The following FOXR1 variants were observed in gnomAD, a reference collection of about 807,000 sequenced individuals.
FOXR1 encodes forkhead box R1.
Under a neutral mutation model 34.5 loss-of-function variants are expected in FOXR1, and 25 were observed. The ratio of observed to expected loss-of-function variants is 0.72; its 90% CI spans 0.53 to 1.01. The LOEUF is 1.01. Ranked by LOEUF, FOXR1 falls within the 50% of genes least tolerant of loss-of-function variation. The pLI is 0.00. For synonymous variants in FOXR1, 153 were observed against 141.6 expected, an observed-to-expected ratio of 1.08 and a Z score of -0.57; for missense variants, 373 against 376.2, an observed-to-expected ratio of 0.99 and a Z score of 0.07.
Position 118,978,802 on chromosome 11 carries a change from ATTG to A in FOXR1, c.85_87del (p.Val29del). Reference sequence around the variant, plus strand: ...GCCAGTTGCCAGGTATAAACTCCGAATTGTTAAGCCACCAAAATTACCCCTAGA... The same window carrying A: ...GCCAGTTGCCAGGTATAAACTCCGAATTAAGCCACCAAAATTACCCCTAGA... On this transcript the variant is annotated inframe_deletion, in exon 2 of 6. Coordinates refer to ENST00000317011, the MANE Select transcript of FOXR1 (RefSeq NM_181721.3). 6.2e-7 allele frequency: 1 copy of A among 1,614,082 alleles called. No individual in the cohort carries two copies. The highest frequency in any genetic ancestry group is 8.5e-7 in the Non-Finnish European group (1 of 1,180,000).
chr11:118,979,372 C>T lies in FOXR1; in HGVS notation c.385-70C>T, dbSNP rs614245. On this transcript the variant is annotated intron_variant, in intron 3 of 5. Coordinates refer to ENST00000317011, the MANE Select transcript of FOXR1 (RefSeq NM_181721.3). ...CAAATGGTGGCCTTAGACCACCCCC[C>T]CTTCCTGCCACTGCACCCTGGAGTA... The T allele has an allele frequency of 1.8e-3, 2,630 of 1,486,608 alleles. 29 individuals carry two copies. In the African/African-American group the frequency reaches 0.033, roughly 19 times the overall value. 92.1% of individuals were successfully genotyped at this position (1,486,608 alleles called of 1,614,324 possible). A position where few individuals can be genotyped will look rare whatever the true frequency, so the allele number is the denominator to read the frequency against.
At chr11:118,977,242 G>C (rs997045740) in intron 1 of FOXR1, among the ~76,000 whole-genome samples, 6 of 152,066 alleles carry the variant, frequency 3.9e-5, no homozygotes, top group Non-Finnish European at 7.4e-5. Flanking sequence ...TTGTTGGCCA[G>C]GCTGGTCTCA....
intron 1 of FOXR1, among the ~76,000 whole-genome samples, chr11:118,973,490 C>T (rs949014013): frequency 2.0e-5 from 3 of 151,820 alleles, no homozygotes; most frequent in Admixed American, 6.6e-5. Flanking sequence ...TCCTCTGCCC[C>T]CCGGGTTCAA....
At chr11:118,975,024 C>T (rs538051333) in intron 1 of FOXR1, among the ~76,000 whole-genome samples, 18 of 152,044 alleles carry the variant, frequency 1.2e-4, no homozygotes, top group African/African-American at 4.1e-4. Context: ...GTGGGGACTG[C>T]AGATGTAAAT....
intron 1 of FOXR1, 147 bp downstream of exon 1, chr11:118,972,139 C>A (rs1045962870): frequency 3.1e-5 from 22 of 705,110 alleles, no homozygotes; most frequent in African/African-American, 1.7e-4. Context: ...GCCCCCCCCC[C>A]CCGACGGCTT....
In FOXR1 at chr11:118,981,261, T is replaced by C. The variant is rs1298333970; in HGVS notation, c.*25T>C. 1 of 1,612,988 alleles carries C rather than the reference T, an allele frequency of 6.2e-7. No individual in the cohort carries two copies. Among genetic ancestry groups the C allele is most frequent in the African/African-American group, 1.3e-5 (1 of 75,002 alleles). On this transcript the variant is annotated 3_prime_UTR_variant, in exon 6 of 6. Transcript: ENST00000317011. ...ACCCCAAGAAGCAACAGCCAGCTAA[T>C]GCTTTATTAAAATTACCCTCACTAG...
At chr11:118,972,293 C>T (rs1941720286) in intron 1 of FOXR1, among the ~76,000 whole-genome samples, 1 of 152,132 alleles carries the variant, frequency 6.6e-6, no homozygotes. Context: ...CACTCTACGT[C>T]ACCCGCCAGG....
intron 1 of FOXR1, among the ~76,000 whole-genome samples, chr11:118,972,215 G>T (rs1220928355): frequency 6.6e-6 from 1 of 151,872 alleles, no homozygotes; most frequent in Non-Finnish European, 1.5e-5. Flanking sequence ...GGGGGTGGGG[G>T]GGTTCGCGCC....
chr11:118,974,439 G>A (rs998782688), intron 1 of FOXR1, among the ~76,000 whole-genome samples: 3 of 152,120 alleles, frequency 2.0e-5, no homozygotes, highest in South Asian at 2.1e-4. Flanking sequence ...TCCTGGACTC[G>A]AGCAATCCTC....
At chr11:118,974,713 G>A (rs1178895944) in intron 1 of FOXR1, among the ~76,000 whole-genome samples, 2 of 152,192 alleles carry the variant, frequency 1.3e-5, no homozygotes, top group African/African-American at 4.8e-5. Flanking sequence ...CAGAGTCTAG[G>A]AGGCTGCAGT....
At chr11:118,977,289 C>G (rs1368634953) in intron 1 of FOXR1, among the ~76,000 whole-genome samples, 1 of 152,138 alleles carries the variant, frequency 6.6e-6, no homozygotes, top group Non-Finnish European at 1.5e-5. Context: ...GCCTCGGCCT[C>G]CCAAAGTGCT....
intron 4 of FOXR1, 93 bp downstream of exon 4, chr11:118,979,761 C>T (rs1941831366): frequency 5.1e-6 from 6 of 1,185,124 alleles, no homozygotes; most frequent in Non-Finnish European, 5.9e-6. Flanking sequence ...GGTTGCTGAC[C>T]TGGTTTCCCT....
intron 3 of FOXR1, 75 bp from the exon 4 acceptor site, chr11:118,979,367 C>T (rs1941822368): frequency 2.9e-5 from 43 of 1,473,792 alleles, no homozygotes; most frequent in Non-Finnish European, 3.9e-5. Flanking sequence ...CCTTAGACCA[C>T]CCCCCCTTCC....
At chr11:118,972,858 A>T (rs1240350630) in intron 1 of FOXR1, among the ~76,000 whole-genome samples, 2 of 151,970 alleles carry the variant, frequency 1.3e-5, no homozygotes, top group Admixed American at 6.6e-5. Context: ...AAGTGCTGGG[A>T]TTACAGGCCT....
In FOXR1 at chr11:118,979,208, T is replaced by C; in HGVS notation, c.384+4T>C. ...CTTTTCCCCCAGCACCTGGGAGGTA[T>C]GCATTTTTGGGGATGGGAGTGGGAC... On this transcript the variant is annotated splice_donor_region_variant and intron_variant, in intron 3 of 5. Coordinates refer to ENST00000317011, the MANE Select transcript of FOXR1 (RefSeq NM_181721.3). The C allele has an allele frequency of 1.3e-6, 2 of 1,518,222 alleles. No individual in the cohort carries two copies. Among genetic ancestry groups the C allele is most frequent in the African/African-American group, 1.4e-5 (1 of 71,804 alleles). 94.0% of individuals were successfully genotyped at this position (1,518,222 alleles called of 1,614,324 possible).
At position 118,981,269 on chromosome 11, in the gene FOXR1, T is replaced by G; in HGVS notation, c.*33T>G. ...AAGCAACAGCCAGCTAATGCTTTAT[T>G]AAAATTACCCTCACTAGCCTTCTGT... On this transcript the variant is annotated 3_prime_UTR_variant, in exon 6 of 6. Coordinates refer to ENST00000317011, the MANE Select transcript of FOXR1 (RefSeq NM_181721.3). 2 of 1,609,446 alleles carry G rather than the reference T, an allele frequency of 1.2e-6. No individual in the cohort carries two copies. The highest frequency in any genetic ancestry group is 1.7e-6 in the Non-Finnish European group (2 of 1,175,760).
chr11:118,980,484 C>T lies in FOXR1; in HGVS notation c.612-6C>T. The T allele has an allele frequency of 6.2e-7, 1 of 1,613,884 alleles. No homozygotes were observed. The highest frequency in any genetic ancestry group is 2.2e-5 in the East Asian group (1 of 44,884). On this transcript the variant is annotated splice_polypyrimidine_tract_variant and splice_region_variant and intron_variant, in intron 4 of 5. Coordinates refer to ENST00000317011, the MANE Select transcript of FOXR1 (RefSeq NM_181721.3). ...GCCTTTCCTTACCTCTCCTCCCTGT[C>T]CATAGAAAGCACTTCCCCTTTTTCC... is the stretch of plus-strand genomic sequence containing the variant.
Position 118,980,566 on chromosome 11 carries a change from A to G in FOXR1, c.688A>G (p.Ser230Gly), listed in dbSNP as rs1393316269. The change falls in exon 5 of 6, where the codon AGC becomes GGC. Residue 230 changes from serine to glycine, a missense_variant. Coordinates refer to ENST00000317011, the MANE Select transcript of FOXR1 (RefSeq NM_181721.3). Reference protein sequence around the residue: ...TVRHNLCFRDSFEKVPVSMQG... With the variant: ...TVRHNLCFRDGFEKVPVSMQG... ...CCGTCACAATCTCTGTTTTCGAGACAGCTTTGAGAAAGTGCCTGTCAGCAT... is the reference window on the plus strand; with the variant it reads ...CCGTCACAATCTCTGTTTTCGAGACGGCTTTGAGAAAGTGCCTGTCAGCAT... 1 of 1,614,266 alleles carries G rather than the reference A, an allele frequency of 6.2e-7. No homozygotes were observed.
rs1229220245 is a variant in FOXR1 at position 118,971,827 on chromosome 11, C to T, written c.-105C>T. 8 of 1,288,650 alleles carry T rather than the reference C, an allele frequency of 6.2e-6. No individual in the cohort carries two copies. The East Asian group carries it at 1.5e-4, about 24-fold the overall frequency. 79.8% of individuals were successfully genotyped at this position (1,288,650 alleles called of 1,614,324 possible). On this transcript the variant is annotated 5_prime_UTR_variant, in exon 1 of 6. Transcript: ENST00000317011. ...GCGCTCCCACTCCGCGTCCCCACTC[C>T]GCGCCGCCGCGCCTCTGCCAGCCCC...
Sources: allele counts gnomAD v4.1 joint callset (sites outside exome capture counted in the v4.1 genomes callset), GRCh38; gene constraint gnomAD v4.1.1; transcripts MANE v1.5; gene names NCBI Gene and HGNC (gene_info 2026-07-23, HGNC 2026-07-21).